The following EBF3 variants were observed in gnomAD, a reference collection of about 807,000 sequenced individuals.
EBF3 encodes the protein EBF transcription factor 3, also known as transcription factor COE3.
A neutral mutation model predicts 77.1 loss-of-function variants in EBF3; 18 were observed. The observed-to-expected ratio is 0.23, with a 90% confidence interval of 0.16 to 0.35. EBF3 has a LOEUF of 0.35. Ranked by LOEUF, EBF3 falls within the 10% of genes least tolerant of loss-of-function variation. The probability of loss-of-function intolerance (pLI) is 1.00; values close to 1 mark genes in which losing one functional copy is unlikely to be tolerated. For missense variants in EBF3, 558 were observed against 860.0 expected (o/e 0.65, Z 4.39); for synonymous variants, 350 against 343.5 (o/e 1.02, Z -0.21).
At position 129,963,516 on chromosome 10, in the gene EBF3, C is replaced by G. The variant is rs746951406; in HGVS notation, c.142G>C (p.Gly48Arg). Reference protein sequence around the residue: ...DANTAAQSGVGLARAHFEKQP... With the variant: ...DANTAAQSGVRLARAHFEKQP... ...TTCTCGAAGTGCGCCCGCGCCAGCCCCACGCCGCTGCGGGAGGAAAGAGAC... is the reference window on the plus strand; with the variant it reads ...TTCTCGAAGTGCGCCCGCGCCAGCCGCACGCCGCTGCGGGAGGAAAGAGAC... Residue 48 changes from glycine to arginine, a missense_variant, in exon 2 of 17, where the codon GGG becomes CGG. Physicochemically the swap from Gly to Arg is moderately radical, Grantham distance 125. Coordinates refer to ENST00000440978, the MANE Select transcript of EBF3 (RefSeq NM_001375380.1). This position sits in a 1 kb window ranked among gnomAD's most constrained non-coding sequence, Gnocchi z 7.1. The G allele has an allele frequency of 6.5e-6, 10 of 1,549,076 alleles. No individual in the cohort carries two copies. The highest frequency in any genetic ancestry group is 8.7e-6 in the Non-Finnish European group (10 of 1,147,164).
intron 6 of EBF3, among the ~76,000 whole-genome samples, chr10:129,941,340 G>A (rs1290309134): frequency 6.6e-6 from 1 of 152,216 alleles, no homozygotes; most frequent in Non-Finnish European, 1.5e-5. Context: ...CAAAGCAGGT[G>A]GACACGTGAC....
At chr10:129,951,701 G>A (rs184005880) in intron 6 of EBF3, among the ~76,000 whole-genome samples, 3 of 152,366 alleles carry the variant, frequency 2.0e-5, no homozygotes, top group East Asian at 1.9e-4. Flanking sequence ...CTGACCCACC[G>A]CGGCAGGCGA....
In EBF3 at chr10:129,893,705, C is replaced by T. The variant is rs568876202; in HGVS notation, c.555-15856G>A. Among the ~76,000 whole-genome samples, 10 of 152,318 alleles carry T rather than the reference C, an allele frequency of 6.6e-5. No homozygotes were observed. In the East Asian group the frequency reaches 1.4e-3, roughly 21 times the overall value. On this transcript the variant is annotated intron_variant, in intron 6 of 16. Transcript: ENST00000440978. ...CAGCTAATCTGCAAATCACAGCGCA[C>T]GCATGAAACCCGGACCACCTTCTCC...
chr10:129,955,374 T>C (rs1489731012), intron 6 of EBF3, among the ~76,000 whole-genome samples: 1 of 152,188 alleles, frequency 6.6e-6, no homozygotes, highest in African/African-American at 2.4e-5. Flanking sequence ...GGAGCTTCAA[T>C]CCTCCTTATT....
rs1850619378 is a variant in EBF3 at position 129,848,318 on chromosome 10, C to G, written c.1128+74G>C. On this transcript the variant is annotated intron_variant, in intron 11 of 16. Coordinates refer to ENST00000440978, the MANE Select transcript of EBF3 (RefSeq NM_001375380.1). The surrounding 1 kb of genome is among the most constrained non-coding windows in gnomAD (Gnocchi z 4.4). ...CTGCAATCCCCCCTTCCCAGAGCAC[C>G]TGCTGCCCCCAAACCAGAACCAGCC... is the stretch of plus-strand genomic sequence containing the variant. The G allele has an allele frequency of 4.8e-6, 7 of 1,467,472 alleles. No homozygotes were observed. The highest frequency in any genetic ancestry group is 4.8e-6 in the Non-Finnish European group (5 of 1,046,926). 90.9% of individuals were successfully genotyped at this position (1,467,472 alleles called of 1,614,324 possible).
At chr10:129,940,112 T>C (rs1857629678) in intron 6 of EBF3, among the ~76,000 whole-genome samples, 1 of 152,244 alleles carries the variant, frequency 6.6e-6, no homozygotes, top group South Asian at 2.1e-4. Context: ...CTCAAGCCCC[T>C]GCCCAGGCAC....
At chr10:129,868,812 G>A (rs920810969) in intron 8 of EBF3, among the ~76,000 whole-genome samples, 1 of 152,246 alleles carries the variant, frequency 6.6e-6, no homozygotes, top group African/African-American at 2.4e-5. Context: ...GGTGTTGGCA[G>A]ACCTTTTAAA....
At chr10:129,930,665 A>T (rs960381271) in intron 6 of EBF3, among the ~76,000 whole-genome samples, 1 of 146,676 alleles carries the variant, frequency 6.8e-6, no homozygotes, top group Non-Finnish European at 1.5e-5. Context: ...TCATATATCT[A>T]TATCTATACC....
intron 6 of EBF3, among the ~76,000 whole-genome samples, chr10:129,940,296 C>G (rs1857643298): frequency 6.6e-6 from 1 of 152,160 alleles, no homozygotes. Flanking sequence ...TCAAGAAAGC[C>G]ATGAGAGAAG....
At chr10:129,847,158 C>T (rs1423402218) in intron 11 of EBF3, among the ~76,000 whole-genome samples, 1 of 152,118 alleles carries the variant, frequency 6.6e-6, no homozygotes, top group Non-Finnish European at 1.5e-5. Context: ...AGGGAACCCC[C>T]CGAGAGCGCA....
At chr10:129,926,116 T>C (rs1856651608) in intron 6 of EBF3, among the ~76,000 whole-genome samples, 1 of 152,182 alleles carries the variant, frequency 6.6e-6, no homozygotes, top group Non-Finnish European at 1.5e-5. Context: ...AGGATTTCAG[T>C]TCCTTATGAA....
chr10:129,961,718 G>A (rs1352478720), intron 4 of EBF3, among the ~76,000 whole-genome samples: 1 of 151,880 alleles, frequency 6.6e-6, no homozygotes, highest in Admixed American at 6.6e-5. Context: ...CCAAATAAAC[G>A]TCTCGTGTTA....
At position 129,885,845 on chromosome 10, in the gene EBF3, AG is replaced by A. The variant is rs1469582925; in HGVS notation, c.555-7997del. 6.6e-6 allele frequency among the ~76,000 whole-genome samples: 1 copy of A among 152,088 alleles called. No individual in the cohort carries two copies. The highest frequency in any genetic ancestry group is 1.5e-5 in the Non-Finnish European group (1 of 68,028). On this transcript the variant is annotated intron_variant, in intron 6 of 16. Transcript: ENST00000440978. This position sits in a 1 kb window ranked among gnomAD's most constrained non-coding sequence, Gnocchi z 4.0. ...TGCCAGCTCCAGGGGAGGCTTTTAC[AG>A]GTTATGCAGAGATTAAGTGCCTATG... is the stretch of plus-strand genomic sequence containing the variant.
At chr10:129,917,513 C>A (rs1216316012) in intron 6 of EBF3, among the ~76,000 whole-genome samples, 2 of 151,770 alleles carry the variant, frequency 1.3e-5, no homozygotes, top group Non-Finnish European at 1.5e-5. Context: ...GACAAGAAAG[C>A]CAGACACAAT....
intron 10 of EBF3, among the ~76,000 whole-genome samples, chr10:129,852,305 C>T (rs989069319): frequency 1.3e-5 from 2 of 152,170 alleles, no homozygotes; most frequent in African/African-American, 4.8e-5. Flanking sequence ...AAGTCATGCC[C>T]GTGTACTGGG....
Position 129,870,143 on chromosome 10 carries a change from C to T in EBF3, c.782-2231G>A, listed in dbSNP as rs180743429. 6.6e-6 allele frequency among the ~76,000 whole-genome samples: 1 copy of T among 152,172 alleles called. No individual in the cohort carries two copies. Among genetic ancestry groups the T allele is most frequent in the African/African-American group, 2.4e-5 (1 of 41,534 alleles). On this transcript the variant is annotated intron_variant, in intron 8 of 16. Transcript: ENST00000440978. This position sits in a 1 kb window ranked among gnomAD's most constrained non-coding sequence, Gnocchi z 4.4. Reference sequence around the variant, plus strand: ...TCTCGGAATTTGTAGTGCTTCTCAGCGGAAAGAAAACACGGGCCTGCCTTG... The same window carrying T: ...TCTCGGAATTTGTAGTGCTTCTCAGTGGAAAGAAAACACGGGCCTGCCTTG...
intron 15 of EBF3, among the ~76,000 whole-genome samples, chr10:129,839,681 G>A (rs1251307355): frequency 2.0e-5 from 3 of 152,242 alleles, no homozygotes; most frequent in Admixed American, 1.3e-4. Flanking sequence ...TGCTGGATGT[G>A]TGGCCCAGCA....
intron 10 of EBF3, among the ~76,000 whole-genome samples, chr10:129,860,917 T>C (rs1304918933): frequency 6.6e-6 from 1 of 152,218 alleles, no homozygotes; most frequent in African/African-American, 2.4e-5. Flanking sequence ...GTATGAGGTA[T>C]AGTTCATTTT....
chr10:129,868,030 G>C, intron 8 of EBF3, 118 bp from the exon 9 acceptor site: 1 of 1,421,974 alleles, frequency 7.0e-7, no homozygotes, highest in Non-Finnish European at 9.4e-7. Context: ...CGTTCCTCCA[G>C]GCGGCACGCA....
Sources: allele counts gnomAD v4.1 joint callset (sites outside exome capture counted in the v4.1 genomes callset), GRCh38; gene constraint gnomAD v4.1.1; non-coding constraint Gnocchi (gnomAD v3.1); transcripts MANE v1.5; gene names NCBI Gene and HGNC (gene_info 2026-07-23, HGNC 2026-07-21).